DMRT1: variants seen among roughly 807,000 people sequenced by gnomAD.
The protein encoded by DMRT1 is doublesex and mab-3 related transcription factor 1.
A neutral mutation model predicts 32.3 loss-of-function variants in DMRT1; 7 were observed. That is an observed-to-expected ratio of 0.22 (90% CI 0.12 to 0.41). The LOEUF is 0.41. DMRT1 is among the 10% of genes least tolerant of loss of function. DMRT1 has a pLI of 1.00. For synonymous variants in DMRT1, 278 were observed against 206.1 expected, an observed-to-expected ratio of 1.35 and a Z score of -2.99; for missense variants, 625 against 500.5, an observed-to-expected ratio of 1.25 and a Z score of -2.37.
intron 4 of DMRT1, among the ~76,000 whole-genome samples, chr9:941,338 C>CCA (rs202223267): frequency 1.0e-3 from 139 of 135,570 alleles, no homozygotes; most frequent in African/African-American, 3.9e-3. Context: ...CTCCCCCCCC[C>CCA]CACACATATG....
At chr9:927,831 A>G (rs1043813155) in intron 4 of DMRT1, among the ~76,000 whole-genome samples, 1 of 152,196 alleles carries the variant, frequency 6.6e-6, no homozygotes, top group Admixed American at 6.5e-5. Context: ...TGATTTTGCT[A>G]TGTGTGAAGT....
At chr9:919,139 A>C (rs373714398) in intron 4 of DMRT1, among the ~76,000 whole-genome samples, 1 of 152,324 alleles carries the variant, frequency 6.6e-6, no homozygotes, top group East Asian at 1.9e-4. Context: ...AGATCCGTCA[A>C]GTCTAAGTTC....
At chr9:886,415 C>A (rs72699254) in intron 2 of DMRT1, among the ~76,000 whole-genome samples, 10,066 of 152,216 alleles carry the variant, frequency 0.066, 936 homozygotes, top group African/African-American at 0.21. Flanking sequence ...GCCAGATACA[C>A]GCCCGGCTAG....
At chr9:863,295 G>C (rs559399856) in intron 2 of DMRT1, among the ~76,000 whole-genome samples, 62 of 149,242 alleles carry the variant, frequency 4.2e-4, no homozygotes, top group African/African-American at 1.5e-3. Flanking sequence ...TTCAGCCTGG[G>C]TGACAGAGTG....
intron 4 of DMRT1, among the ~76,000 whole-genome samples, chr9:923,086 G>C (rs1818407423): frequency 6.6e-6 from 1 of 152,176 alleles, no homozygotes; most frequent in African/African-American, 2.4e-5. Context: ...CTCTCCTTCA[G>C]GATGACCAGG....
At chr9:940,467 CA>C (rs1490432526) in intron 4 of DMRT1, among the ~76,000 whole-genome samples, 1 of 151,312 alleles carries the variant, frequency 6.6e-6, no homozygotes, top group Non-Finnish European at 1.5e-5. Flanking sequence ...ACATTCTTAA[CA>C]AATGAGCTAG....
At chr9:936,052 T>C (rs1818875840) in intron 4 of DMRT1, among the ~76,000 whole-genome samples, 1 of 152,214 alleles carries the variant, frequency 6.6e-6, no homozygotes, top group African/African-American at 2.4e-5. Flanking sequence ...CACTACCTCA[T>C]ATGTGGCAAC....
At chr9:967,958 C>CCCTT in intron 4 of DMRT1, 27 bp from the exon 5 acceptor site, 2 of 1,611,082 alleles carry the variant, frequency 1.2e-6, no homozygotes, top group East Asian at 4.5e-5. Context: ...CTCCCTTTCT[C>CCCTT]TCTTTCTCTC....
intron 3 of DMRT1, among the ~76,000 whole-genome samples, chr9:914,822 A>G (rs768122014): frequency 6.6e-6 from 1 of 152,180 alleles, no homozygotes; most frequent in Non-Finnish European, 1.5e-5. Flanking sequence ...TCAAAAATAA[A>G]TTCCTTGAGC....
chr9:859,968 A>G (rs1202366670), intron 2 of DMRT1, among the ~76,000 whole-genome samples: 2 of 152,214 alleles, frequency 1.3e-5, no homozygotes, highest in South Asian at 4.1e-4. Flanking sequence ...GCCGTTAACT[A>G]CCCGTTAACT....
chr9:936,215 C>A (rs1019064175), intron 4 of DMRT1, among the ~76,000 whole-genome samples: 3 of 152,128 alleles, frequency 2.0e-5, no homozygotes, highest in Non-Finnish European at 4.4e-5. Flanking sequence ...ACTTGGGAGT[C>A]AAGAGAGAAC....
At chr9:847,291 T>A (rs1589442605) in intron 2 of DMRT1, 148 bp downstream of exon 2, 2 of 818,260 alleles carry the variant, frequency 2.4e-6, no homozygotes, top group East Asian at 5.4e-5. Flanking sequence ...AAGGGCTGTT[T>A]GTGCCTGCAT....
At chr9:900,825 C>T (rs1228383747) in intron 3 of DMRT1, among the ~76,000 whole-genome samples, 1 of 151,788 alleles carries the variant, frequency 6.6e-6, no homozygotes, top group Non-Finnish European at 1.5e-5. Flanking sequence ...GCTGGGACTA[C>T]AGGTGTGTGC....
chr9:901,961 A>G (rs982595099), intron 3 of DMRT1, among the ~76,000 whole-genome samples: 18 of 138,374 alleles, frequency 1.3e-4, no homozygotes, highest in African/African-American at 1.7e-4. Flanking sequence ...TGCCCAGGCT[A>G]GAGTGCAGTG....
intron 2 of DMRT1, among the ~76,000 whole-genome samples, chr9:885,668 C>T (rs1487741349): frequency 6.6e-6 from 1 of 152,184 alleles, no homozygotes; most frequent in Non-Finnish European, 1.5e-5. Context: ...AGGATGGAGG[C>T]ATGGTGGTCC....
At chr9:932,432 A>G (rs1818755509) in intron 4 of DMRT1, among the ~76,000 whole-genome samples, 1 of 152,228 alleles carries the variant, frequency 6.6e-6, no homozygotes, top group Non-Finnish European at 1.5e-5. Flanking sequence ...GCTAACATTC[A>G]TGAACTATCT....
At chr9:842,474 G>A (rs757201575) in intron 1 of DMRT1, 2 of 429,080 alleles carry the variant, frequency 4.7e-6, no homozygotes, top group Non-Finnish European at 8.3e-6. Context: ...GACCTCAGGT[G>A]ATCCACCCGC....
intron 2 of DMRT1, among the ~76,000 whole-genome samples, chr9:867,389 T>A (rs962948712): frequency 6.6e-6 from 1 of 152,232 alleles, no homozygotes; most frequent in African/African-American, 2.4e-5. Flanking sequence ...ATTCTGTGCC[T>A]CCTAAGCATG....
At chr9:926,516 A>G (rs1377832075) in intron 4 of DMRT1, among the ~76,000 whole-genome samples, 2 of 152,178 alleles carry the variant, frequency 1.3e-5, no homozygotes, top group African/African-American at 4.8e-5. Flanking sequence ...TTTTCCTCAG[A>G]TAATTTTTGA....
Sources: allele counts gnomAD v4.1 joint callset (sites outside exome capture counted in the v4.1 genomes callset), GRCh38; gene constraint gnomAD v4.1.1; transcripts MANE v1.5; gene names NCBI Gene and HGNC (gene_info 2026-07-23, HGNC 2026-07-21).